Variants in SH3GLB1 observed in about 807,000 individuals in gnomAD.
The protein encoded by SH3GLB1 is SH3 domain containing GRB2 like, endophilin B1, also known as endophilin-B1.
A neutral mutation model predicts 42.0 loss-of-function variants in SH3GLB1; 17 were observed. The ratio of observed to expected loss-of-function variants is 0.40; its 90% CI spans 0.28 to 0.61. The LOEUF (loss-of-function observed/expected upper bound fraction) is 0.61. SH3GLB1 is among the 20% of genes least tolerant of loss of function. The pLI is 0.36. For missense variants in SH3GLB1, 355 were observed against 426.3 expected (o/e 0.83, Z 1.47); for synonymous variants, 132 against 146.6 (o/e 0.90, Z 0.72).
chr1:86,716,266 G>C (rs1570414492), intron 2 of SH3GLB1, among the ~76,000 whole-genome samples: 1 of 149,496 alleles, frequency 6.7e-6, no homozygotes, highest in African/African-American at 2.4e-5. Context: ...TTTTTTGTTT[G>C]TTTGTTTGTT....
intron 1 of SH3GLB1, among the ~76,000 whole-genome samples, chr1:86,705,650 T>G (rs1653818960): frequency 6.6e-6 from 1 of 152,176 alleles, no homozygotes; most frequent in Non-Finnish European, 1.5e-5. Flanking sequence ...ATGGCTGTAG[T>G]CACAGTAGTA....
intron 5 of SH3GLB1, 174 bp from the exon 6 acceptor site, chr1:86,734,428 G>C: frequency 3.6e-6 from 2 of 559,848 alleles, no homozygotes; most frequent in Non-Finnish European, 6.5e-6. Flanking sequence ...GAGTAATACA[G>C]AAAAGCTAAG....
chr1:86,730,198 G>A lies in SH3GLB1; in HGVS notation c.571-4404G>A. On this transcript the variant is annotated intron_variant, in intron 5 of 8. Transcript: ENST00000370558. ...ATATGTATTGGGCAACAACCCATGG[G>A]TCCAGTCACAGTCTGTGTTAGTATA... The A allele has an allele frequency of 1.2e-5, 19 of 1,522,170 alleles. No individual in the cohort carries two copies. In the South Asian group the frequency reaches 2.2e-4, roughly 18 times the overall value. The allele number at this position is 1,522,170 out of a possible 1,614,324, so 94.3% of individuals were successfully genotyped here. A position where few individuals can be genotyped will look rare whatever the true frequency, so the allele number is the denominator to read the frequency against.
intron 7 of SH3GLB1, among the ~76,000 whole-genome samples, chr1:86,736,360 C>T (rs1655781979): frequency 1.3e-5 from 2 of 152,216 alleles, no homozygotes; most frequent in South Asian, 4.1e-4. Context: ...CAAAACTTGG[C>T]CTAGAATAAA....
intron 1 of SH3GLB1, among the ~76,000 whole-genome samples, chr1:86,711,194 A>G (rs960131308): frequency 2.0e-5 from 3 of 152,202 alleles, no homozygotes; most frequent in Admixed American, 1.3e-4. Context: ...TTTGCATTAA[A>G]TAGATGTCTT....
intron 8 of SH3GLB1, among the ~76,000 whole-genome samples, chr1:86,742,685 A>C (rs1422451582): frequency 6.6e-6 from 1 of 152,182 alleles, no homozygotes; most frequent in Non-Finnish European, 1.5e-5. Context: ...TAGGCCAGAC[A>C]TGGTGGCTTA....
At chr1:86,711,996 A>C (rs1654240887) in intron 1 of SH3GLB1, among the ~76,000 whole-genome samples, 1 of 152,108 alleles carries the variant, frequency 6.6e-6, no homozygotes, top group Non-Finnish European at 1.5e-5. Flanking sequence ...AAATGTATTA[A>C]ATATTGTATT....
At chr1:86,736,240 T>TA (rs1426642583) in intron 7 of SH3GLB1, among the ~76,000 whole-genome samples, 2 of 152,070 alleles carry the variant, frequency 1.3e-5, no homozygotes, top group Admixed American at 6.6e-5. Flanking sequence ...TGAGGAACCA[T>TA]TAAAGCAGGG....
intron 5 of SH3GLB1, among the ~76,000 whole-genome samples, chr1:86,726,861 CT>C (rs375676348): frequency 4.0e-4 from 60 of 150,798 alleles, no homozygotes; most frequent in African/African-American, 1.3e-3. Context: ...TAGGAGTTTG[CT>C]TTTTTTTTCC....
At position 86,745,819 on chromosome 1, in the gene SH3GLB1, A is replaced by C. The variant is rs1268743507; in HGVS notation, c.*2584A>C. 2 of 152,566 alleles carry C rather than the reference A, an allele frequency of 1.3e-5. No homozygotes were observed. Among genetic ancestry groups the C allele is most frequent in the East Asian group, 3.9e-4 (2 of 5,182 alleles). 9.5% of individuals were successfully genotyped at this position (152,566 alleles called of 1,614,324 possible). On this transcript the variant is annotated 3_prime_UTR_variant, in exon 9 of 9. Coordinates refer to ENST00000370558, the MANE Select transcript of SH3GLB1 (RefSeq NM_016009.5). ...GAAGAAAAAGCTTGGGAAGCCTATT[A>C]ATTCATGGTGCAGTTCAGAATTGTT...
intron 5 of SH3GLB1, among the ~76,000 whole-genome samples, chr1:86,729,361 G>A (rs1274448072): frequency 1.3e-5 from 2 of 151,516 alleles, no homozygotes; most frequent in African/African-American, 4.9e-5. Context: ...TATATAAAAT[G>A]CATTTTTGTT....
intron 1 of SH3GLB1, among the ~76,000 whole-genome samples, chr1:86,705,995 A>G (rs1173692452): frequency 6.6e-6 from 1 of 152,218 alleles, no homozygotes; most frequent in Non-Finnish European, 1.5e-5. Context: ...TTGATCCTAC[A>G]TTGCACTATC....
chr1:86,724,379 G>T lies in SH3GLB1; in HGVS notation c.544G>T (p.Ala182Ser). 6.2e-7 allele frequency: 1 copy of T among 1,602,740 alleles called. No homozygotes were observed. The highest frequency in any genetic ancestry group is 1.3e-5 in the African/African-American group (1 of 74,276). Reference sequence around the variant, plus strand: ...TGCTGCAAAAACGAGACTAAAAAAGGCAAAAGCTGCAGAAACTAGAAATTC... The same window carrying T: ...TGCTGCAAAAACGAGACTAAAAAAGTCAAAAGCTGCAGAAACTAGAAATTC... ...LDAAKTRLKK[A>S]KAAETRNSSE... The change falls in exon 5 of 9, where the codon GCA becomes TCA. Residue 182 changes from alanine to serine, a missense_variant. Coordinates refer to ENST00000370558, the MANE Select transcript of SH3GLB1 (RefSeq NM_016009.5).
intron 2 of SH3GLB1, 56 bp downstream of exon 2, chr1:86,715,921 TA>T (rs139162261): frequency 3.6e-3 from 5,099 of 1,411,772 alleles, no homozygotes; most frequent in South Asian, 5.7e-3. Flanking sequence ...TTTTAAATGT[TA>T]AAAAAAAAAG....
chr1:86,709,898 C>T (rs188878192), intron 1 of SH3GLB1, among the ~76,000 whole-genome samples: 8 of 152,208 alleles, frequency 5.3e-5, no homozygotes, highest in Admixed American at 4.6e-4. Flanking sequence ...ATGATGTTGC[C>T]GTTCAATAGC....
intron 5 of SH3GLB1, among the ~76,000 whole-genome samples, chr1:86,727,031 A>C (rs35267788): frequency 0.051 from 7,681 of 152,016 alleles, 253 homozygotes; most frequent in South Asian, 0.077. Flanking sequence ...GACACTTTTT[A>C]AGTAATTTAC....
intron 4 of SH3GLB1, among the ~76,000 whole-genome samples, chr1:86,723,074 C>T (rs766625512): frequency 2.6e-5 from 4 of 152,158 alleles, no homozygotes; most frequent in African/African-American, 4.8e-5. Flanking sequence ...CAAAGCTGCT[C>T]TTATAAATAC....
chr1:86,705,942 C>T (rs183602337), intron 1 of SH3GLB1, among the ~76,000 whole-genome samples: 1 of 152,210 alleles, frequency 6.6e-6, no homozygotes, highest in Non-Finnish European at 1.5e-5. Flanking sequence ...TGTTCTGTGG[C>T]TTTACTACTT....
rs765232224 is a variant in SH3GLB1 at position 86,743,130 on chromosome 1, G to A, written c.993G>A (p.Val331=). 5.0e-6 allele frequency: 8 copies of A among 1,609,680 alleles called. No individual in the cohort carries two copies. The highest frequency in any genetic ancestry group is 6.8e-6 in the Non-Finnish European group (8 of 1,178,436). The change falls in exon 9 of 9, where the codon GTG becomes GTA. Residue 331 remains valine (V), a splice_region_variant and synonymous_variant. Transcript: ENST00000370558. ...ACTGGAAGTATTTTATTTTGCAGGTGATCACTGTGTTCAGTGTTGTTGGAA... is the reference window on the plus strand; with the variant it reads ...ACTGGAAGTATTTTATTTTGCAGGTAATCACTGTGTTCAGTGTTGTTGGAA... ...STELSLLADE[V]ITVFSVVGMD...
Sources: allele counts gnomAD v4.1 joint callset (sites outside exome capture counted in the v4.1 genomes callset), GRCh38; gene constraint gnomAD v4.1.1; transcripts MANE v1.5; gene names NCBI Gene and HGNC (gene_info 2026-07-23, HGNC 2026-07-21).